Variants in LEF1 observed in about 807,000 individuals in gnomAD.
The protein encoded by LEF1 is lymphoid enhancer-binding factor 1.
Under a neutral mutation model 51.2 loss-of-function variants are expected in LEF1, and 14 were observed. The observed-to-expected ratio is 0.27, with a 90% confidence interval of 0.18 to 0.43. The LOEUF is 0.43. Ranked by LOEUF, LEF1 falls within the 20% of genes least tolerant of loss-of-function variation. LEF1 has a pLI of 1.00. For synonymous variants in LEF1, 185 were observed against 183.2 expected (o/e 1.01, Z -0.08); for missense variants, 386 against 512.0 (o/e 0.75, Z 2.37).
chr4:108,079,585 G>A lies in LEF1; in HGVS notation c.752C>T (p.Pro251Leu). 6.2e-7 allele frequency: 1 copy of A among 1,614,016 alleles called. No individual in the cohort carries two copies. Among genetic ancestry groups the A allele is most frequent in the South Asian group, 1.1e-5 (1 of 91,072 alleles). The change falls in exon 7 of 12, where the codon CCT becomes CTT. Residue 251 changes from proline to leucine, a missense_variant. By Grantham distance (98) the Pro-to-Leu change is moderately conservative. Coordinates refer to ENST00000265165, the MANE Select transcript of LEF1 (RefSeq NM_016269.5). ...RFSHHMIPGP[P>L]GPHTTGIPHP... ...AGGGATGCCAGTTGTGTGGGGACCA[G>A]GAGGACCGGGAATCATATGATGGGA...
chr4:108,081,168 T>G (rs1026271321), intron 6 of LEF1, among the ~76,000 whole-genome samples: 1 of 152,170 alleles, frequency 6.6e-6, no homozygotes, highest in Non-Finnish European at 1.5e-5. Flanking sequence ...CGCATCAAAC[T>G]GATACAACTT....
chr4:108,137,108 C>T (rs1457285348), intron 3 of LEF1, among the ~76,000 whole-genome samples: 2 of 152,168 alleles, frequency 1.3e-5, no homozygotes, highest in African/African-American at 4.8e-5. Context: ...TCAAACAGTA[C>T]AGAATTTTGA....
intron 3 of LEF1, among the ~76,000 whole-genome samples, chr4:108,142,369 G>T (rs1743718583): frequency 6.6e-6 from 1 of 152,288 alleles, no homozygotes; most frequent in Middle Eastern, 3.4e-3. Context: ...TCCAGATACA[G>T]AGACACAAAT....
chr4:108,156,784 T>C (rs1744729163), intron 3 of LEF1, among the ~76,000 whole-genome samples: 1 of 152,046 alleles, frequency 6.6e-6, no homozygotes, highest in African/African-American at 2.4e-5. Flanking sequence ...TATCATGTTA[T>C]TGCTTGTAAG....
chr4:108,104,458 T>C (rs972500994), intron 3 of LEF1, among the ~76,000 whole-genome samples: 1 of 147,824 alleles, frequency 6.8e-6, no homozygotes, highest in Non-Finnish European at 1.5e-5. Flanking sequence ...AAATATTATA[T>C]ATAAATTATA....
intron 3 of LEF1, among the ~76,000 whole-genome samples, chr4:108,111,267 C>A (rs1317416066): frequency 3.3e-5 from 5 of 152,156 alleles, no homozygotes; most frequent in Non-Finnish European, 7.3e-5. Context: ...CTGAATGTAT[C>A]TAAAGCTGTG....
rs1178062131 is a variant in LEF1 at position 108,122,538 on chromosome 4, TTCACTGCAGCC to T, written c.415-33292_415-33282del. On this transcript the variant is annotated intron_variant, in intron 3 of 11. Transcript: ENST00000265165. ...TGTCACCCAGGCTGGAGTGCAGTGG[TTCACTGCAGCC>T]TCACTGCAGCCTCGACCTCTTGGGC... Among the ~76,000 whole-genome samples, 20 of 152,290 alleles carry T rather than the reference TTCACTGCAGCC, an allele frequency of 1.3e-4. 1 individual carries two copies. The South Asian group carries it at 3.1e-3, about 24-fold the overall frequency.
chr4:108,108,551 C>G (rs1358200535), intron 3 of LEF1, among the ~76,000 whole-genome samples: 1 of 152,070 alleles, frequency 6.6e-6, no homozygotes, highest in African/African-American at 2.4e-5. Flanking sequence ...TGGGAGATGT[C>G]CAGTGGTCTT....
chr4:108,102,198 T>A (rs908954373), intron 3 of LEF1, among the ~76,000 whole-genome samples: 2 of 152,090 alleles, frequency 1.3e-5, no homozygotes, highest in Non-Finnish European at 2.9e-5. Context: ...TGAAAGAACA[T>A]AAATGGTAAT....
intron 3 of LEF1, among the ~76,000 whole-genome samples, chr4:108,098,324 G>T (rs192636712): frequency 1.3e-5 from 2 of 152,112 alleles, no homozygotes; most frequent in Non-Finnish European, 2.9e-5. Context: ...CTCCTGTGGC[G>T]GGGTTGTGGG....
intron 11 of LEF1, among the ~76,000 whole-genome samples, chr4:108,053,520 C>T (rs1400950522): frequency 3.7e-4 from 56 of 152,308 alleles, no homozygotes; most frequent in Non-Finnish European, 2.5e-4. Flanking sequence ...GGCAAGGCTT[C>T]CTCTCCTGTG....
chr4:108,071,200 TA>T (rs1738455151), intron 8 of LEF1, among the ~76,000 whole-genome samples: 1 of 152,250 alleles, frequency 6.6e-6, no homozygotes. Flanking sequence ...AGATGTCTTT[TA>T]AAACAGATAT....
rs35000095 is a variant in LEF1 at position 108,167,351 on chromosome 4, T to TACACAC, written c.213+198_213+203dup. 0.027 allele frequency among the ~76,000 whole-genome samples: 3,555 copies of TACACAC among 131,724 alleles called. 62 individuals carry two copies. Among genetic ancestry groups the TACACAC allele is most frequent in the Middle Eastern group, 0.051 (14 of 272 alleles). 86.4% of individuals were successfully genotyped at this position (131,724 alleles called of 152,430 possible). On this transcript the variant is annotated intron_variant, in intron 1 of 11. Transcript: ENST00000265165. This position sits in a 1 kb window ranked among gnomAD's most constrained non-coding sequence, Gnocchi z 5.7. ...TACCCTGCCCCTCTACCTCCCATCC[T>TACACAC]ACACACACACACACACACACACACA...
chr4:108,075,001 T>C (rs1417767501), intron 8 of LEF1, among the ~76,000 whole-genome samples: 13 of 150,494 alleles, frequency 8.6e-5, no homozygotes. Context: ...GCCCTTCTTT[T>C]CCTCTGATTT....
chr4:108,123,191 T>C (rs934932066), intron 3 of LEF1, among the ~76,000 whole-genome samples: 6 of 152,214 alleles, frequency 3.9e-5, no homozygotes, highest in Non-Finnish European at 7.3e-5. Context: ...CAGATCTCTG[T>C]TGAGGAAATT....
intron 3 of LEF1, among the ~76,000 whole-genome samples, chr4:108,120,076 G>C (rs1184019658): frequency 6.6e-6 from 1 of 151,700 alleles, no homozygotes; most frequent in Admixed American, 6.6e-5. Context: ...CTGACACCCA[G>C]GCTGGAGTGC....
intron 8 of LEF1, 37 bp downstream of exon 8, chr4:108,078,183 G>A (rs1469082657): frequency 6.2e-7 from 1 of 1,600,120 alleles, no homozygotes; most frequent in Admixed American, 1.7e-5. Context: ...CAGTTCCATG[G>A]CTACCATGAA....
intron 3 of LEF1, among the ~76,000 whole-genome samples, chr4:108,157,830 T>C (rs185488578): frequency 2.3e-4 from 35 of 152,214 alleles, no homozygotes; most frequent in African/African-American, 8.2e-4. Flanking sequence ...AAGTGGATAA[T>C]TGCAGCAGGT....
chr4:108,110,607 T>C (rs554606791), intron 3 of LEF1, among the ~76,000 whole-genome samples: 5 of 152,334 alleles, frequency 3.3e-5, no homozygotes, highest in Non-Finnish European at 5.9e-5. Flanking sequence ...ACAGCTGATC[T>C]GTGCCCCACC....
Sources: allele counts gnomAD v4.1 joint callset (sites outside exome capture counted in the v4.1 genomes callset), GRCh38; gene constraint gnomAD v4.1.1; non-coding constraint Gnocchi (gnomAD v3.1); transcripts MANE v1.5; gene names NCBI Gene and HGNC (gene_info 2026-07-23, HGNC 2026-07-21).